Variants in RFX3 observed in about 807,000 individuals in gnomAD.
RFX3 encodes the protein regulatory factor X3, also known as transcription factor RFX3.
Under a neutral mutation model 98.6 loss-of-function variants are expected in RFX3, and 14 were observed. That is an observed-to-expected ratio of 0.14 (90% CI 0.09 to 0.22). RFX3 has a LOEUF of 0.22. RFX3 is among the 10% of genes least tolerant of loss of function. RFX3 has a pLI of 1.00. For missense variants in RFX3, 639 were observed against 926.9 expected (o/e 0.69, Z 4.03); for synonymous variants, 383 against 328.4 (o/e 1.17, Z -1.80).
intron 1 of RFX3, among the ~76,000 whole-genome samples, chr9:3,423,408 A>C (rs1342030893): frequency 6.6e-6 from 1 of 152,214 alleles, no homozygotes; most frequent in Non-Finnish European, 1.5e-5. Context: ...GAATGGACAA[A>C]CTGTAGTATA....
intron 4 of RFX3, among the ~76,000 whole-genome samples, chr9:3,311,894 C>T (rs1330747083): frequency 6.6e-6 from 1 of 151,990 alleles, no homozygotes; most frequent in Non-Finnish European, 1.5e-5. Context: ...CCCCCCTACT[C>T]CCCCAAAAAA....
intron 12 of RFX3, among the ~76,000 whole-genome samples, chr9:3,265,844 T>C (rs1222582180): frequency 6.6e-6 from 1 of 152,112 alleles, no homozygotes; most frequent in Non-Finnish European, 1.5e-5. Context: ...TTCCTTCAAA[T>C]GAAAACTATT....
At chr9:3,339,411 T>C (rs935311796) in intron 3 of RFX3, among the ~76,000 whole-genome samples, 1 of 133,146 alleles carries the variant, frequency 7.5e-6, no homozygotes, top group Admixed American at 6.9e-5. Context: ...ACCACACACA[T>C]GTACGTTAAG....
intron 3 of RFX3, among the ~76,000 whole-genome samples, chr9:3,339,238 T>G (rs1167062923): frequency 6.6e-6 from 1 of 152,084 alleles, no homozygotes; most frequent in Non-Finnish European, 1.5e-5. Flanking sequence ...TTTTGAAGCA[T>G]ACCAAAAAGA....
At position 3,446,717 on chromosome 9, in the gene RFX3, G is replaced by C. The variant is rs970634348; in HGVS notation, c.-8-51121C>G. Among the ~76,000 whole-genome samples the C allele has an allele frequency of 2.6e-5, 4 of 151,796 alleles. No individual in the cohort carries two copies. In the East Asian group the frequency reaches 5.8e-4, roughly 22 times the overall value. On this transcript the variant is annotated intron_variant, in intron 1 of 16. Coordinates refer to ENST00000617270, the MANE Select transcript of RFX3 (RefSeq NM_001282116.2). Reference sequence around the variant, plus strand: ...TATGCCTGATCAATATGTTTGATTAGTTTCCTAAAATCAATCTTAATAAAT... The same window carrying C: ...TATGCCTGATCAATATGTTTGATTACTTTCCTAAAATCAATCTTAATAAAT...
intron 13 of RFX3, among the ~76,000 whole-genome samples, chr9:3,262,362 T>C (rs1823021579): frequency 6.6e-6 from 1 of 152,216 alleles, no homozygotes; most frequent in African/African-American, 2.4e-5. Flanking sequence ...AAATATTTTT[T>C]CATTTGAACT....
intron 3 of RFX3, among the ~76,000 whole-genome samples, chr9:3,333,532 G>A (rs1239391653): frequency 5.7e-5 from 8 of 139,452 alleles, no homozygotes; most frequent in Non-Finnish European, 1.6e-5. Context: ...AATCTCATTT[G>A]TTTCTTTATT....
intron 1 of RFX3, among the ~76,000 whole-genome samples, chr9:3,478,544 T>C (rs1473020070): frequency 1.3e-5 from 2 of 152,086 alleles, no homozygotes; most frequent in Non-Finnish European, 2.9e-5. Context: ...TGCCTATATG[T>C]CTTCTACCTT....
rs1343445425 is a variant in RFX3, at chr9:3,224,918, A to G, written c.*124T>C. The G allele has an allele frequency of 1.0e-6, 1 of 977,608 alleles. No homozygotes were observed. Among genetic ancestry groups the G allele is most frequent in the Non-Finnish European group, 1.5e-6 (1 of 654,398 alleles). 60.6% of individuals were successfully genotyped at this position (977,608 alleles called of 1,614,324 possible). A position where few individuals can be genotyped will look rare whatever the true frequency, so the allele number is the denominator to read the frequency against. ...TACACCCATTCCATTTCACAACTCC[A>G]AAAAGTTAATGTTCAGCACAGATAG... is the stretch of plus-strand genomic sequence containing the variant. On this transcript the variant is annotated 3_prime_UTR_variant, in exon 17 of 17. Transcript: ENST00000617270.
chr9:3,245,032 C>G (rs1019650932), intron 15 of RFX3, among the ~76,000 whole-genome samples: 10 of 152,168 alleles, frequency 6.6e-5, no homozygotes, highest in African/African-American at 2.4e-4. Flanking sequence ...ATAGCCATGA[C>G]AGAGCTAGAA....
At chr9:3,464,288 G>A (rs1008218181) in intron 1 of RFX3, among the ~76,000 whole-genome samples, 6 of 152,090 alleles carry the variant, frequency 3.9e-5, no homozygotes, top group South Asian at 2.1e-4. Flanking sequence ...ACATTTATCC[G>A]AGTAAAATAA....
intron 15 of RFX3, among the ~76,000 whole-genome samples, chr9:3,232,602 A>T (rs947910598): frequency 6.6e-6 from 1 of 152,248 alleles, no homozygotes; most frequent in Non-Finnish European, 1.5e-5. Context: ...CAGATGAATG[A>T]ATTTACTTCC....
rs1047358938 is a variant in RFX3, at chr9:3,223,076, C to T, written c.*1966G>A. The T allele has an allele frequency of 4.6e-5, 7 of 152,118 alleles. No homozygotes were observed. The highest frequency in any genetic ancestry group is 1.7e-4 in the African/African-American group (7 of 41,418). The allele number at this position is 152,118 out of a possible 1,614,324, so 9.4% of individuals were successfully genotyped here. Reference sequence around the variant, plus strand: ...CTCGTCTTTCCAACCCCCCACCCCCCTTACCCCAATACCACTGGAAAGATA... The same window carrying T: ...CTCGTCTTTCCAACCCCCCACCCCCTTTACCCCAATACCACTGGAAAGATA... On this transcript the variant is annotated 3_prime_UTR_variant, in exon 17 of 17. Transcript: ENST00000617270.
chr9:3,247,290 T>A, intron 15 of RFX3: 1 of 987,714 alleles, frequency 1.0e-6, no homozygotes, highest in Non-Finnish European at 1.2e-6. Context: ...GATAAGCCAT[T>A]TTGATGACTA....
intron 13 of RFX3, among the ~76,000 whole-genome samples, chr9:3,258,879 T>A (rs764798309): frequency 3.3e-5 from 5 of 151,458 alleles, no homozygotes; most frequent in Non-Finnish European, 7.4e-5. Context: ...CACATATATC[T>A]ACACATACAT....
chr9:3,375,774 C>A (rs1244570056), intron 2 of RFX3, among the ~76,000 whole-genome samples: 2 of 152,014 alleles, frequency 1.3e-5, no homozygotes, highest in South Asian at 2.1e-4. Context: ...TCCTGGCTAA[C>A]ACGGTGAAAC....
At chr9:3,420,889 C>A (rs984647428) in intron 1 of RFX3, 2 of 984,854 alleles carry the variant, frequency 2.0e-6, no homozygotes, top group Non-Finnish European at 2.4e-6. Flanking sequence ...CCAAAGATAT[C>A]CTTGGGTCAA....
At chr9:3,504,906 A>ATAATATATATAATATAATATATAT (rs1554728009) in intron 1 of RFX3, among the ~76,000 whole-genome samples, 1 of 24,452 alleles carries the variant, frequency 4.1e-5, no homozygotes, top group African/African-American at 1.8e-4. Context: ...TATATTATAT[A>ATAATATATATAATATAATATATAT]TATATATAAT....
rs774412346 is a variant in RFX3, at chr9:3,249,285, TA to T, written c.1815-1101del. 1.1e-4 allele frequency among the ~76,000 whole-genome samples: 16 copies of T among 152,180 alleles called. 1 individual carries two copies. Among genetic ancestry groups the T allele is most frequent in the Non-Finnish European group, 2.4e-4 (16 of 68,012 alleles). On this transcript the variant is annotated intron_variant, in intron 14 of 16. Transcript: ENST00000617270. ...TAGAGGCTACTAATACATCAAATTG[TA>T]TGCATTCAACTTGGCAAGTGACAGA...
Sources: gnomAD v4.1 joint callset for allele counts (sites outside exome capture counted in the v4.1 genomes callset) on GRCh38, gnomAD v4.1.1 for gene constraint, MANE v1.5 for transcripts, NCBI Gene and HGNC (gene_info 2026-07-23, HGNC 2026-07-21) for gene names.